PTAFR: variants seen among roughly 807,000 people sequenced by gnomAD.
PTAFR encodes platelet-activating factor receptor.
In PTAFR, 8 loss-of-function variants were observed where a neutral mutation model predicts 14.7. The observed-to-expected ratio is 0.54, with a 90% confidence interval of 0.32 to 0.98. PTAFR has a LOEUF of 0.98. PTAFR is among the 50% of genes least tolerant of loss of function. PTAFR has a pLI of 0.04. For synonymous variants in PTAFR, 156 were observed against 176.5 expected (o/e 0.88, Z 0.92); for missense variants, 337 against 451.2 (o/e 0.75, Z 2.29).
intron 1 of PTAFR, among the ~76,000 whole-genome samples, chr1:28,165,273 C>T (rs1254193722): frequency 6.6e-6 from 1 of 150,860 alleles, no homozygotes; most frequent in African/African-American, 2.4e-5. Flanking sequence ...GGCGTGGTGG[C>T]GCATGCCTGT....
chr1:28,182,243 G>A (rs1182646139), intron 1 of PTAFR, among the ~76,000 whole-genome samples: 1 of 152,098 alleles, frequency 6.6e-6, no homozygotes, highest in Non-Finnish European at 1.5e-5. Flanking sequence ...GGGTGAGGCA[G>A]GAGAATCGCT....
At chr1:28,157,345 G>T (rs569270689) in intron 1 of PTAFR, among the ~76,000 whole-genome samples, 15 of 152,092 alleles carry the variant, frequency 9.9e-5, no homozygotes, top group African/African-American at 3.1e-4. Context: ...TGCCCACCAT[G>T]GCCAGCTAAT....
intron 1 of PTAFR, among the ~76,000 whole-genome samples, chr1:28,167,609 A>G (rs1456093892): frequency 1.4e-5 from 2 of 142,962 alleles, no homozygotes; most frequent in Non-Finnish European, 3.0e-5. Flanking sequence ...GGTATACTAT[A>G]TATTCAAAAG....
chr1:28,156,438 A>C (rs1646265052), intron 1 of PTAFR, among the ~76,000 whole-genome samples: 1 of 152,228 alleles, frequency 6.6e-6, no homozygotes, highest in Admixed American at 6.5e-5. Flanking sequence ...GCCCAACATT[A>C]AAGAGATGTG....
intron 1 of PTAFR, among the ~76,000 whole-genome samples, chr1:28,154,831 A>AGAGG (rs1553164370): frequency 1.9e-5 from 1 of 53,564 alleles, no homozygotes; most frequent in Non-Finnish European, 3.6e-5. Flanking sequence ...AAAAAAAAAA[A>AGAGG]GTGGGGGGGG....
intron 1 of PTAFR, among the ~76,000 whole-genome samples, chr1:28,184,919 C>A (rs1002537637): frequency 4.6e-5 from 7 of 152,154 alleles, no homozygotes; most frequent in African/African-American, 1.7e-4. Flanking sequence ...GGATTACAGG[C>A]GTAAGCCACC....
At chr1:28,163,025 C>T (rs1362609567) in intron 1 of PTAFR, among the ~76,000 whole-genome samples, 2 of 152,190 alleles carry the variant, frequency 1.3e-5, no homozygotes, top group African/African-American at 2.4e-5. Flanking sequence ...CACCATTCCC[C>T]GCTACTCATT....
At chr1:28,160,394 CAAAAAAA>C (rs369771521) in intron 1 of PTAFR, among the ~76,000 whole-genome samples, 1 of 128,014 alleles carries the variant, frequency 7.8e-6, no homozygotes, top group Non-Finnish European at 1.7e-5. Context: ...GGCTTCATCT[CAAAAAAA>C]AAAAAAAAAT....
intron 1 of PTAFR, among the ~76,000 whole-genome samples, chr1:28,159,021 G>A (rs771374373): frequency 1.2e-4 from 18 of 152,180 alleles, no homozygotes; most frequent in African/African-American, 2.2e-4. Context: ...ATTTGGTAAC[G>A]GATGGGATAT....
chr1:28,153,472 G>A (rs1340238515), intron 1 of PTAFR, among the ~76,000 whole-genome samples: 5 of 150,688 alleles, frequency 3.3e-5, no homozygotes, highest in Middle Eastern at 3.2e-3. Context: ...TAGGCCAGGC[G>A]TGGTGGCTCA....
chr1:28,163,569 T>C (rs1049453991), intron 1 of PTAFR, among the ~76,000 whole-genome samples: 6 of 152,232 alleles, frequency 3.9e-5, no homozygotes, highest in Admixed American at 3.9e-4. Flanking sequence ...TTACTTGCTG[T>C]ATGACCTGGG....
intron 1 of PTAFR, among the ~76,000 whole-genome samples, chr1:28,185,879 A>G (rs762694097): frequency 6.6e-5 from 10 of 152,202 alleles, no homozygotes; most frequent in Non-Finnish European, 1.3e-4. Flanking sequence ...GCTCCTATAA[A>G]CAAGCAATTA....
intron 1 of PTAFR, among the ~76,000 whole-genome samples, chr1:28,193,242 G>T (rs1646670418): frequency 1.3e-5 from 2 of 152,070 alleles, no homozygotes; most frequent in African/African-American, 2.4e-5. Flanking sequence ...TGCAGTGAGT[G>T]GGTGGAGGGT....
chr1:28,177,275 GATATA>G (rs1646525215), upstream of PTAFR: 2 of 152,594 alleles, frequency 1.3e-5, no homozygotes, highest in African/African-American at 4.8e-5. Context: ...TGCCCGCTGG[GATATA>G]AAGTGGAGGG....
chr1:28,182,667 T>G (rs1314182240), intron 1 of PTAFR, among the ~76,000 whole-genome samples: 1 of 151,968 alleles, frequency 6.6e-6, no homozygotes, highest in Non-Finnish European at 1.5e-5. Flanking sequence ...TACCTTTAAA[T>G]GTACTGTTGC....
chr1:28,160,102 T>C (rs1646306348), intron 1 of PTAFR, among the ~76,000 whole-genome samples: 1 of 148,414 alleles, frequency 6.7e-6, no homozygotes, highest in African/African-American at 2.5e-5. Flanking sequence ...CTAGTCCCAG[T>C]TACTCAGGAA....
chr1:28,184,051 C>CCTG (rs1646584201), intron 1 of PTAFR, among the ~76,000 whole-genome samples: 2 of 151,568 alleles, frequency 1.3e-5, no homozygotes, highest in South Asian at 4.2e-4. Flanking sequence ...CCCTCGTCTC[C>CCTG]CTGCTTCCAT....
intron 1 of PTAFR, among the ~76,000 whole-genome samples, chr1:28,173,419 ATC>A (rs976889382): frequency 6.6e-6 from 1 of 152,094 alleles, no homozygotes; most frequent in Admixed American, 6.6e-5. Context: ...TAGCCTGGGC[ATC>A]ATGTCAAACC....
In PTAFR at chr1:28,165,143, T is replaced by C. The variant is rs546397494; in HGVS notation, c.-39+11449A>G. On this transcript the variant is annotated intron_variant, in intron 1 of 1. Coordinates refer to ENST00000373857, the MANE Select transcript of PTAFR (RefSeq NM_000952.5). Reference sequence around the variant, plus strand: ...CCAGCCAGGCACGATGGCTCATGCCTATAATAATCCCAGCACTCCGGGAGG... The same window carrying C: ...CCAGCCAGGCACGATGGCTCATGCCCATAATAATCCCAGCACTCCGGGAGG... 2.0e-5 allele frequency among the ~76,000 whole-genome samples: 3 copies of C among 152,164 alleles called. No individual in the cohort carries two copies. In the South Asian group the frequency reaches 6.2e-4, roughly 32 times the overall value.
Sources: allele counts gnomAD v4.1 joint callset (sites outside exome capture counted in the v4.1 genomes callset), GRCh38; gene constraint gnomAD v4.1.1; transcripts MANE v1.5; gene names NCBI Gene and HGNC (gene_info 2026-07-23, HGNC 2026-07-21).